HS6ST3: variants seen among roughly 807,000 people sequenced by gnomAD.
HS6ST3 encodes the protein heparan-sulfate 6-O-sulfotransferase 3.
A neutral mutation model predicts 36.7 loss-of-function variants in HS6ST3; 12 were observed. The ratio of observed to expected loss-of-function variants is 0.33; its 90% CI spans 0.21 to 0.53. HS6ST3 has a LOEUF of 0.53. HS6ST3 is among the 20% of genes least tolerant of loss of function. The probability of loss-of-function intolerance (pLI) is 0.95; values close to 1 mark genes in which losing one functional copy is unlikely to be tolerated. For synonymous variants in HS6ST3, 240 were observed against 257.5 expected, an observed-to-expected ratio of 0.93 and a Z score of 0.65; for missense variants, 584 against 640.9, an observed-to-expected ratio of 0.91 and a Z score of 0.96.
At chr13:96,409,180 C>A (rs1024677603) in intron 1 of HS6ST3, among the ~76,000 whole-genome samples, 1 of 152,064 alleles carries the variant, frequency 6.6e-6, no homozygotes, top group South Asian at 2.1e-4. Flanking sequence ...GCAAATTCCC[C>A]AAATGTGTGA....
At chr13:96,287,997 G>A (rs1461563345) in intron 1 of HS6ST3, among the ~76,000 whole-genome samples, 1 of 152,152 alleles carries the variant, frequency 6.6e-6, no homozygotes, top group African/African-American at 2.4e-5. Flanking sequence ...CTGTATAGCA[G>A]TGAGTCTCAA....
At chr13:96,283,682 T>G (rs2054786356) in intron 1 of HS6ST3, among the ~76,000 whole-genome samples, 1 of 152,234 alleles carries the variant, frequency 6.6e-6, no homozygotes, top group Non-Finnish European at 1.5e-5. Flanking sequence ...ATGTGTATAA[T>G]TATCTATAAT....
intron 1 of HS6ST3, among the ~76,000 whole-genome samples, chr13:96,310,581 CTCTT>C (rs954814159): frequency 1.3e-4 from 20 of 152,230 alleles, no homozygotes; most frequent in African/African-American, 4.8e-4. Flanking sequence ...TATGCTCTCT[CTCTT>C]TCTATCTCTG....
At chr13:96,094,750 TG>T in intron 1 of HS6ST3, among the ~76,000 whole-genome samples, 1 of 152,168 alleles carries the variant, frequency 6.6e-6, no homozygotes, top group Non-Finnish European at 1.5e-5. Context: ...CCCGGGCTGG[TG>T]GTTTGAATCC....
At chr13:96,273,595 G>T (rs1401064437) in intron 1 of HS6ST3, among the ~76,000 whole-genome samples, 1 of 150,932 alleles carries the variant, frequency 6.6e-6, no homozygotes, top group East Asian at 1.9e-4. Context: ...GGAGTTGTTT[G>T]TTGCTGATGC....
intron 1 of HS6ST3, among the ~76,000 whole-genome samples, chr13:96,326,127 A>C (rs2055029599): frequency 1.3e-5 from 2 of 151,914 alleles, no homozygotes; most frequent in Non-Finnish European, 2.9e-5. Flanking sequence ...TATTCTGCTT[A>C]TGAAGACATA....
At position 96,474,548 on chromosome 13, in the gene HS6ST3, T is replaced by C. The variant is rs75107247; in HGVS notation, c.708-357942T>C. ...CAATCAGTATGCATTACCACATCAA[T>C]ATTTTAGTGAGAATGCAAACAAAAT... On this transcript the variant is annotated intron_variant, in intron 1 of 1. Coordinates refer to ENST00000376705, the MANE Select transcript of HS6ST3 (RefSeq NM_153456.4). Among the ~76,000 whole-genome samples, 721 of 152,276 alleles carry C rather than the reference T, an allele frequency of 4.7e-3. 7 individuals are homozygous for C. Among genetic ancestry groups the C allele is most frequent in the African/African-American group, 0.017 (690 of 41,558 alleles).
intron 1 of HS6ST3, among the ~76,000 whole-genome samples, chr13:96,564,903 T>G (rs755030780): frequency 6.6e-6 from 1 of 152,198 alleles, no homozygotes; most frequent in Non-Finnish European, 1.5e-5. Context: ...AATAAAAGCA[T>G]TCTCTTTCAC....
chr13:96,816,308 A>T (rs1397833517), intron 1 of HS6ST3, among the ~76,000 whole-genome samples: 1 of 152,234 alleles, frequency 6.6e-6, no homozygotes, highest in African/African-American at 2.4e-5. Context: ...ACTGCTCTGT[A>T]AACTGGGAAT....
At chr13:96,248,014 A>G (rs1168319230) in intron 1 of HS6ST3, among the ~76,000 whole-genome samples, 3 of 152,206 alleles carry the variant, frequency 2.0e-5, no homozygotes, top group South Asian at 2.1e-4. Flanking sequence ...CAGAATTAAT[A>G]TAAGACAAGT....
chr13:96,151,838 A>C (rs553765493), intron 1 of HS6ST3, among the ~76,000 whole-genome samples: 3 of 152,246 alleles, frequency 2.0e-5, no homozygotes, highest in Admixed American at 2.0e-4. Flanking sequence ...TTCCCTCTGC[A>C]TGTCTGTGTC....
chr13:96,101,614 T>C (rs1007365946), intron 1 of HS6ST3, among the ~76,000 whole-genome samples: 5 of 152,024 alleles, frequency 3.3e-5, no homozygotes, highest in Admixed American at 1.3e-4. Flanking sequence ...AGAGTCAAAA[T>C]GCCATCAGCA....
intron 1 of HS6ST3, among the ~76,000 whole-genome samples, chr13:96,584,303 C>G (rs2056352934): frequency 6.6e-6 from 1 of 152,024 alleles, no homozygotes; most frequent in African/African-American, 2.4e-5. Flanking sequence ...GCCACCACCC[C>G]CAGCTAATTT....
chr13:96,228,173 C>T (rs568505831), intron 1 of HS6ST3, among the ~76,000 whole-genome samples: 2 of 152,322 alleles, frequency 1.3e-5, no homozygotes, highest in East Asian at 3.9e-4. Context: ...ATAGATAATA[C>T]ATATGTGAAT....
chr13:96,400,334 CACACAT>C (rs2055444719), intron 1 of HS6ST3, among the ~76,000 whole-genome samples: 1 of 151,174 alleles, frequency 6.6e-6, no homozygotes, highest in Non-Finnish European at 1.5e-5. Flanking sequence ...CACACACACA[CACACAT>C]ACAAATTCTT....
At chr13:96,301,629 C>T (rs556784505) in intron 1 of HS6ST3, among the ~76,000 whole-genome samples, 1 of 152,170 alleles carries the variant, frequency 6.6e-6, no homozygotes, top group African/African-American at 2.4e-5. Context: ...CGGGGGCTCA[C>T]GCCTGTAATC....
intron 1 of HS6ST3, among the ~76,000 whole-genome samples, chr13:96,438,033 A>G (rs1163770505): frequency 1.3e-5 from 2 of 152,220 alleles, no homozygotes; most frequent in Non-Finnish European, 2.9e-5. Flanking sequence ...GCTGGGGGAC[A>G]TTCTATTATG....
At chr13:96,426,959 A>T (rs2055589879) in intron 1 of HS6ST3, among the ~76,000 whole-genome samples, 1 of 152,174 alleles carries the variant, frequency 6.6e-6, no homozygotes. Context: ...ACACATATGA[A>T]ATATCTGGGG....
At chr13:96,817,491 C>G (rs1878446237) in intron 1 of HS6ST3, among the ~76,000 whole-genome samples, 1 of 152,116 alleles carries the variant, frequency 6.6e-6, no homozygotes, top group Non-Finnish European at 1.5e-5. Flanking sequence ...AAATTAATTA[C>G]TAGAAAAATA....
Sources: allele counts gnomAD v4.1 joint callset (sites outside exome capture counted in the v4.1 genomes callset), GRCh38; gene constraint gnomAD v4.1.1; transcripts MANE v1.5; gene names NCBI Gene and HGNC (gene_info 2026-07-23, HGNC 2026-07-21).